PCDHGB2: variants seen among roughly 807,000 people sequenced by gnomAD.
PCDHGB2 encodes protocadherin gamma-B2.
A neutral mutation model predicts 59.3 loss-of-function variants in PCDHGB2; 55 were observed. The ratio of observed to expected loss-of-function variants is 0.93; its 90% CI spans 0.75 to 1.16. The LOEUF is 1.16. Among genes scored for constraint, PCDHGB2 ranks in the 50% most tolerant of loss-of-function variants. The pLI is 0.00. For missense variants in PCDHGB2, 1,228 were observed against 1,198.5 expected (o/e 1.02, Z -0.36); for synonymous variants, 516 against 512.0 (o/e 1.01, Z -0.11).
chr5:141,501,290 T>TACACACAC (rs55762287), intron 2 of PCDHGB2, among the ~76,000 whole-genome samples: 94 of 136,244 alleles, frequency 6.9e-4, no homozygotes, highest in Admixed American at 2.2e-3. Context: ...TATTCCCTTA[T>TACACACAC]ACACACACAC....
chr5:141,430,975 G>A (rs776670383), intron 1 of PCDHGB2: 2 of 1,613,208 alleles, frequency 1.2e-6, no homozygotes, highest in Admixed American at 1.7e-5. Flanking sequence ...GAGGTAGGAC[G>A]CAGCTTTTCG....
intron 1 of PCDHGB2, chr5:141,394,190 G>A (rs1370592594): frequency 1.9e-6 from 3 of 1,613,800 alleles, no homozygotes; most frequent in African/African-American, 1.3e-5. Context: ...CCTACTCAGC[G>A]TATATCCTAG....
Position 141,362,323 on chromosome 5 carries a change from G to C in PCDHGB2, c.2188G>C (p.Gly730Arg), listed in dbSNP as rs745573123. 6.2e-7 allele frequency: 1 copy of C among 1,614,082 alleles called. No homozygotes were observed. Among genetic ancestry groups the C allele is most frequent in the East Asian group, 2.2e-5 (1 of 44,892 alleles). Residue 730 changes from glycine (G) to arginine (R), a missense_variant, in exon 1 of 4, where the codon GGT becomes CGT. Around this residue, in one of 3 missense-constraint regions of PCDHGB2, gnomAD observed 433 missense variants for 441.8 expected, o/e 0.98. Transcript: ENST00000522605. ...RSDAWDCFQPGLSSKPGPGVL... is the reference protein window; with the variant it reads ...RSDAWDCFQPRLSSKPGPGVL... ...AGATGCTTGGGACTGTTTTCAGCCT[G>C]GTCTCAGCTCCAAGCCTGGACCTGG...
Position 141,418,027 on chromosome 5 carries a change from T to A in PCDHGB2, c.2421+55471T>A, listed in dbSNP as rs536104184. 2.4e-5 allele frequency: 38 copies of A among 1,613,808 alleles called. 1 individual carries two copies. In the South Asian group the frequency reaches 4.2e-4, roughly 18 times the overall value. ...GGAACCTCGCTAAGGATCTAGGGCT[T>A]AGTGTCCTGGATGTGTCGGCTCGCG... On this transcript the variant is annotated intron_variant, in intron 1 of 3. Coordinates refer to ENST00000522605, the MANE Select transcript of PCDHGB2 (RefSeq NM_018923.3).
At chr5:141,409,434 A>T in intron 1 of PCDHGB2, 2 of 1,613,992 alleles carry the variant, frequency 1.2e-6, no homozygotes, top group Non-Finnish European at 1.7e-6. Context: ...GGAGCCCTGG[A>T]CCGAGAGCAG....
intron 1 of PCDHGB2, among the ~76,000 whole-genome samples, chr5:141,454,222 T>C (rs1411974754): frequency 6.6e-6 from 1 of 152,118 alleles, no homozygotes; most frequent in African/African-American, 2.4e-5. Flanking sequence ...ATGAGAAAAG[T>C]AATTGTGATG....
chr5:141,418,413 A>T, intron 1 of PCDHGB2: 1 of 1,614,048 alleles, frequency 6.2e-7, no homozygotes, highest in Non-Finnish European at 8.5e-7. Flanking sequence ...GAGAAAGACA[A>T]TCCTGATGGT....
intron 1 of PCDHGB2, chr5:141,371,262 C>A (rs368232567): frequency 1.9e-6 from 3 of 1,614,000 alleles, no homozygotes; most frequent in South Asian, 1.1e-5. Context: ...GGAAGTGAGA[C>A]AACTGTTCAA....
At position 141,372,722 on chromosome 5, in the gene PCDHGB2, A is replaced by T. The variant is rs551482869; in HGVS notation, c.2421+10166A>T. 13 of 1,613,812 alleles carry T rather than the reference A, an allele frequency of 8.1e-6. No individual in the cohort carries two copies. The Admixed American group carries it at 2.2e-4, about 27-fold the overall frequency. The stretch of plus-strand genomic sequence containing the variant: ...TCAATATAAAGGCTGAAAATGCTGC[A>T]CCACAAGATCTTCTATGTGATGAAG... On this transcript the variant is annotated intron_variant, in intron 1 of 3. Coordinates refer to ENST00000522605, the MANE Select transcript of PCDHGB2 (RefSeq NM_018923.3).
intron 1 of PCDHGB2, among the ~76,000 whole-genome samples, chr5:141,461,126 T>C (rs575819058): frequency 6.6e-6 from 1 of 152,260 alleles, no homozygotes; most frequent in Non-Finnish European, 1.5e-5. Flanking sequence ...TTTCATATAA[T>C]TACTTATTTT....
At chr5:141,401,059 G>T (rs1418485253) in intron 1 of PCDHGB2, among the ~76,000 whole-genome samples, 2 of 152,082 alleles carry the variant, frequency 1.3e-5, no homozygotes, top group Non-Finnish European at 2.9e-5. Flanking sequence ...AATACTATAT[G>T]TTGGCTGGGT....
intron 1 of PCDHGB2, chr5:141,392,749 A>G (rs2092584642): frequency 6.9e-7 from 1 of 1,449,652 alleles, no homozygotes; most frequent in Admixed American, 2.8e-5. Flanking sequence ...AGCTGCGGCA[A>G]GAAACTAAAT....
At chr5:141,442,158 A>T (rs966591795) in intron 1 of PCDHGB2, 1 of 157,594 alleles carries the variant, frequency 6.3e-6, no homozygotes, top group African/African-American at 2.4e-5. Context: ...CTCAGCGATC[A>T]CTCTGCAAAG....
At position 141,403,695 on chromosome 5, in the gene PCDHGB2, G is replaced by T. The variant is rs376074779; in HGVS notation, c.2421+41139G>T. On this transcript the variant is annotated intron_variant, in intron 1 of 3. Transcript: ENST00000522605. ...CCGGTTTTTGCTCAACGGATTTACC[G>T]AGTTAAAGTCCTTGAGAACGTGCCC... The T allele has an allele frequency of 2.9e-5, 46 of 1,613,780 alleles. No individual in the cohort carries two copies. The highest frequency in any genetic ancestry group is 3.7e-5 in the Non-Finnish European group (44 of 1,179,906).
rs1762963941 is a variant in PCDHGB2, at chr5:141,363,537, C to T, written c.2421+981C>T. 2.0e-5 allele frequency among the ~76,000 whole-genome samples: 3 copies of T among 152,150 alleles called. No homozygotes were observed. The South Asian group carries it at 6.2e-4, about 32-fold the overall frequency. On this transcript the variant is annotated intron_variant, in intron 1 of 3. Coordinates refer to ENST00000522605, the MANE Select transcript of PCDHGB2 (RefSeq NM_018923.3). ...GTTACTATACTGGTTGTCACTGGAA[C>T]TACAAATATTTGAACATGGTAATAG...
chr5:141,414,457 G>A (rs1319960665), intron 1 of PCDHGB2: 7 of 1,613,872 alleles, frequency 4.3e-6, no homozygotes, highest in Non-Finnish European at 5.9e-6. Flanking sequence ...CACAGTGACA[G>A]CCACAGATGG....
chr5:141,408,316 G>A (rs1407149479), intron 1 of PCDHGB2: 3 of 1,613,750 alleles, frequency 1.9e-6, no homozygotes, highest in African/African-American at 1.3e-5. Context: ...ACTCGATTCC[G>A]GAGGAGCTGG....
chr5:141,410,024 G>T (rs771946302), intron 1 of PCDHGB2: 4 of 1,613,164 alleles, frequency 2.5e-6, no homozygotes, highest in Non-Finnish European at 3.4e-6. Flanking sequence ...GTCCTACCAC[G>T]TGCTGCAGGC....
At chr5:141,404,694 C>A in intron 1 of PCDHGB2, 5 of 1,614,116 alleles carry the variant, frequency 3.1e-6, no homozygotes, top group Non-Finnish European at 4.2e-6. Context: ...GCACCCCGCT[C>A]TGCAGAGCCT....
Sources: allele counts gnomAD v4.1 joint callset (sites outside exome capture counted in the v4.1 genomes callset), GRCh38; gene constraint gnomAD v4.1.1; regional missense constraint gnomAD v4.1.1; transcripts MANE v1.5; gene names NCBI Gene and HGNC (gene_info 2026-07-23, HGNC 2026-07-21).